PREP: variants seen among roughly 807,000 people sequenced by gnomAD.
PREP encodes dJ355L5.1 (prolyl endopeptidase).
Under a neutral mutation model 87.6 loss-of-function variants are expected in PREP, and 29 were observed. That is an observed-to-expected ratio of 0.33 (90% confidence interval 0.25 to 0.45). The LOEUF is 0.45. Ranked by LOEUF, PREP falls within the 20% of genes least tolerant of loss-of-function variation. The pLI is 1.00. For missense variants in PREP, 695 were observed against 886.5 expected (o/e 0.78, Z 2.74); for synonymous variants, 337 against 328.6 (o/e 1.03, Z -0.28).
intron 1 of PREP, among the ~76,000 whole-genome samples, chr6:105,401,638 T>C (rs1281665048): frequency 2.0e-5 from 3 of 152,140 alleles, no homozygotes; most frequent in Non-Finnish European, 4.4e-5. Flanking sequence ...ACCACAGGAA[T>C]AGAGCTTCTT....
intron 12 of PREP, 42 bp from the exon 13 acceptor site, chr6:105,282,624 T>G (rs963898069): frequency 3.8e-6 from 6 of 1,596,488 alleles, no homozygotes; most frequent in Non-Finnish European, 1.7e-6. Context: ...TAACAAAACA[T>G]AAAAATAAGT....
chr6:105,328,851 C>G lies in PREP; in HGVS notation c.1191G>C (p.Gln397His), dbSNP rs765165692. 6.2e-7 allele frequency: 1 copy of G among 1,614,096 alleles called. No individual in the cohort carries two copies. Among genetic ancestry groups the G allele is most frequent in the Non-Finnish European group, 8.5e-7 (1 of 1,180,014 alleles). The change falls in exon 9 of 15, where the codon CAG becomes CAC. Residue 397 changes from glutamine (Q) to histidine (H), a missense_variant. Gln to His is a conservative substitution (Grantham distance 24). This residue lies in a region of PREP where 517 missense variants were observed against 620.3 expected (regional missense o/e 0.83). Coordinates refer to ENST00000652536, the MANE Select transcript of PREP (RefSeq NM_002726.5). Reference sequence around the variant, plus strand: ...TACCTGGAGATAAAAAGGAAGTAAACTGATAGAAGATTTCAGTGTCCTTCT... The same window carrying G: ...TACCTGGAGATAAAAAGGAAGTAAAGTGATAGAAGATTTCAGTGTCCTTCT... ...GQKKDTEIFY[Q>H]FTSFLSPGII...
chr6:105,285,664 G>A, intron 11 of PREP, 84 bp from the exon 12 acceptor site: 2 of 1,047,612 alleles, frequency 1.9e-6, no homozygotes, highest in Non-Finnish European at 3.0e-6. Context: ...AAAAGTGTAT[G>A]CCCAACAACA....
chr6:105,282,762 C>A (rs562516997), intron 12 of PREP, among the ~76,000 whole-genome samples, 180 bp from the exon 13 acceptor site: 70 of 152,274 alleles, frequency 4.6e-4, no homozygotes, highest in African/African-American at 1.6e-3. Flanking sequence ...GGAAATATAT[C>A]ATCAATACCA....
intron 10 of PREP, among the ~76,000 whole-genome samples, chr6:105,318,280 C>T (rs540609038): frequency 5.5e-4 from 83 of 152,234 alleles, no homozygotes; most frequent in African/African-American, 2.0e-3. Flanking sequence ...ATAGAGGATG[C>T]AAGTCACTTC....
At chr6:105,318,202 T>C (rs139088649) in intron 10 of PREP, among the ~76,000 whole-genome samples, 2 of 152,254 alleles carry the variant, frequency 1.3e-5, no homozygotes. Flanking sequence ...TTTCTGGGAA[T>C]AAAACTACAT....
chr6:105,365,187 C>T (rs945044667), intron 6 of PREP, among the ~76,000 whole-genome samples: 2 of 152,206 alleles, frequency 1.3e-5, no homozygotes, highest in African/African-American at 4.8e-5. Context: ...GCGGAGGTTG[C>T]AGCGAGCCGA....
intron 2 of PREP, among the ~76,000 whole-genome samples, chr6:105,387,684 T>A (rs1253268645): frequency 2.0e-5 from 3 of 151,016 alleles, no homozygotes; most frequent in African/African-American, 7.3e-5. Context: ...AAAAATCTCA[T>A]AATGTTTTCA....
chr6:105,330,196 A>T (rs1266625629), intron 8 of PREP, among the ~76,000 whole-genome samples: 1 of 152,190 alleles, frequency 6.6e-6, no homozygotes, highest in East Asian at 1.9e-4. Flanking sequence ...CACTGTCTGA[A>T]CACAAGGGCA....
intron 3 of PREP, 66 bp downstream of exon 3, chr6:105,377,320 T>C: frequency 6.7e-7 from 1 of 1,497,944 alleles, no homozygotes; most frequent in Non-Finnish European, 9.1e-7. Flanking sequence ...CTGGAATTTG[T>C]ATTTTACAAT....
At chr6:105,334,674 C>T (rs774810626) in intron 7 of PREP, among the ~76,000 whole-genome samples, 7 of 146,154 alleles carry the variant, frequency 4.8e-5, no homozygotes, top group Admixed American at 4.7e-4. Context: ...GCTGAGATTG[C>T]GCCACTTCAC....
At chr6:105,394,616 T>C (rs938729110) in intron 2 of PREP, among the ~76,000 whole-genome samples, 1 of 152,170 alleles carries the variant, frequency 6.6e-6, no homozygotes, top group Admixed American at 6.5e-5. Context: ...GTAAGGGAAC[T>C]AGGTACAAAA....
rs61538515 is a variant in PREP at position 105,276,358 on chromosome 6, ATTTTCTGCT to A, written c.*1777_*1785del. ...CTGAAGCTCACACACTACACACTGT[ATTTTCTGCT>A]GTAAAGCAGACCTCAGAAAGTATGG... On this transcript the variant is annotated 3_prime_UTR_variant, in exon 15 of 15. Coordinates refer to ENST00000652536, the MANE Select transcript of PREP (RefSeq NM_002726.5). 0.058 allele frequency among the ~76,000 whole-genome samples: 8,882 copies of A among 152,280 alleles called. 839 individuals are homozygous for A. Among genetic ancestry groups the A allele is most frequent in the African/African-American group, 0.2 (8,419 of 41,498 alleles).
intron 6 of PREP, among the ~76,000 whole-genome samples, chr6:105,355,058 A>C (rs1476743033): frequency 1.3e-5 from 2 of 151,634 alleles, no homozygotes; most frequent in East Asian, 3.9e-4. Flanking sequence ...AACAGGTCTG[A>C]GTAAGGGAGA....
chr6:105,399,817 C>A (rs1230532635), intron 1 of PREP, among the ~76,000 whole-genome samples: 2 of 152,168 alleles, frequency 1.3e-5, no homozygotes, highest in Non-Finnish European at 2.9e-5. Flanking sequence ...GGCTGGGTAA[C>A]ATGCCCAGAA....
intron 2 of PREP, among the ~76,000 whole-genome samples, chr6:105,390,997 A>T (rs1386653228): frequency 6.6e-6 from 1 of 151,254 alleles, no homozygotes; most frequent in Non-Finnish European, 1.5e-5. Context: ...CTCCCTAGTG[A>T]GGAATATATG....
At chr6:105,350,587 C>G (rs987364445) in intron 7 of PREP, among the ~76,000 whole-genome samples, 1 of 152,188 alleles carries the variant, frequency 6.6e-6, no homozygotes, top group Non-Finnish European at 1.5e-5. Context: ...ACACAAAATA[C>G]TTGTTTCTCT....
chr6:105,352,977 A>T lies in PREP; in HGVS notation c.818T>A (p.Ile273Asn). 6.2e-7 allele frequency: 1 copy of T among 1,611,976 alleles called. No individual in the cohort carries two copies. The highest frequency in any genetic ancestry group is 2.2e-5 in the East Asian group (1 of 44,876). The change falls in exon 7 of 15, where the codon ATC becomes AAC. Residue 273 changes from isoleucine to asparagine, a missense_variant. This residue lies in a region of PREP where 517 missense variants were observed against 620.3 expected (regional missense o/e 0.83). Transcript: ENST00000652536. ...YCDLQQESSG[I>N]AGILKWVKLI... ...TGTCTGAAAAAATAACTCACCCGCG[A>T]TGCCACTGGATTCCTGCTGTAGGTC...
intron 12 of PREP, among the ~76,000 whole-genome samples, chr6:105,284,465 T>A (rs1465764943): frequency 1.3e-5 from 2 of 152,072 alleles, no homozygotes; most frequent in Non-Finnish European, 2.9e-5. Context: ...AGGCCTCTGG[T>A]TTGGGATGGC....
Sources: gnomAD v4.1 joint callset for allele counts (sites outside exome capture counted in the v4.1 genomes callset) on GRCh38, gnomAD v4.1.1 for gene constraint, gnomAD v4.1.1 regional missense constraint, MANE v1.5 for transcripts, NCBI Gene and HGNC (gene_info 2026-07-23, HGNC 2026-07-21) for gene names.